The following ACOXL variants were observed in gnomAD, a reference collection of about 807,000 sequenced individuals.
ACOXL encodes acyl-coenzyme A oxidase-like protein.
In ACOXL, 70 loss-of-function variants were observed where a neutral mutation model predicts 71.9. The ratio of observed to expected loss-of-function variants is 0.97; its 90% confidence interval spans 0.80 to 1.19. The LOEUF (loss-of-function observed/expected upper bound fraction) is 1.19. Ranked by LOEUF, ACOXL falls within the 50% of genes most tolerant of loss-of-function variation. The pLI, the probability that ACOXL is intolerant of heterozygous loss-of-function variation, is 0.00. For synonymous variants in ACOXL, 253 were observed against 281.6 expected, an observed-to-expected ratio of 0.90 and a Z score of 1.02; for missense variants, 703 against 736.3, an observed-to-expected ratio of 0.95 and a Z score of 0.52.
intron 9 of ACOXL, among the ~76,000 whole-genome samples, chr2:110,818,283 A>G (rs1007489427): frequency 1.3e-5 from 2 of 151,142 alleles, no homozygotes; most frequent in Admixed American, 6.6e-5. Context: ...ATTCCCAGCT[A>G]TTTGGGAGGC....
At chr2:111,082,885 G>A (rs1408915502) in intron 16 of ACOXL, among the ~76,000 whole-genome samples, 1 of 152,114 alleles carries the variant, frequency 6.6e-6, no homozygotes, top group African/African-American at 2.4e-5. Context: ...AACTTTTCAG[G>A]GACATGGATG....
At chr2:110,869,858 C>G (rs1001995806) in intron 10 of ACOXL, among the ~76,000 whole-genome samples, 1 of 152,244 alleles carries the variant, frequency 6.6e-6, no homozygotes, top group Non-Finnish European at 1.5e-5. Context: ...CTGTGTGAAC[C>G]TAGCCACTGC....
At chr2:110,829,402 A>T (rs1021005875) in intron 9 of ACOXL, among the ~76,000 whole-genome samples, 18 of 152,050 alleles carry the variant, frequency 1.2e-4, no homozygotes, top group Admixed American at 1.2e-3. Context: ...GTGTCTCTTG[A>T]CTGGGTTACT....
intron 10 of ACOXL, among the ~76,000 whole-genome samples, chr2:110,906,406 G>A (rs938873158): frequency 2.6e-5 from 4 of 151,812 alleles, no homozygotes; most frequent in African/African-American, 9.7e-5. Flanking sequence ...GGGTGTGGTG[G>A]TGGGTGCCTG....
At chr2:110,930,097 T>C (rs188770472) in intron 11 of ACOXL, among the ~76,000 whole-genome samples, 3 of 152,314 alleles carry the variant, frequency 2.0e-5, no homozygotes, top group African/African-American at 7.2e-5. Flanking sequence ...CACTGACAGC[T>C]TGCACCATGC....
rs543798262 is a variant in ACOXL, at chr2:110,982,266, G to A, written c.1060-4842G>A. Among the ~76,000 whole-genome samples, 49 of 152,128 alleles carry A rather than the reference G, an allele frequency of 3.2e-4. No homozygotes were observed. In the South Asian group the frequency reaches 5.0e-3, roughly 16 times the overall value. On this transcript the variant is annotated intron_variant, in intron 12 of 17. Coordinates refer to ENST00000439055, the MANE Select transcript of ACOXL (RefSeq NM_001142807.4). ...CACCTCCCGGGTTCAAGTCAAATCC[G>A]TGTTTAAGGCCCAGCAATTACTCAG... is the stretch of plus-strand genomic sequence containing the variant.
intron 12 of ACOXL, among the ~76,000 whole-genome samples, chr2:110,985,368 T>C (rs1213552539): frequency 1.3e-5 from 2 of 152,140 alleles, no homozygotes; most frequent in East Asian, 3.8e-4. Context: ...TTTGTAACAC[T>C]CCCTTTACTA....
At chr2:110,913,287 A>T (rs1229473633) in intron 11 of ACOXL, among the ~76,000 whole-genome samples, 3 of 152,234 alleles carry the variant, frequency 2.0e-5, no homozygotes, top group African/African-American at 7.2e-5. Context: ...ATATATGCAC[A>T]CAAAAATGTG....
At chr2:111,086,109 G>T (rs940045324) in intron 16 of ACOXL, among the ~76,000 whole-genome samples, 12 of 152,096 alleles carry the variant, frequency 7.9e-5, no homozygotes, top group Non-Finnish European at 1.8e-4. Flanking sequence ...GGACCAGATG[G>T]ATTCACAGTT....
At chr2:111,070,198 C>T (rs1350321100) in intron 16 of ACOXL, among the ~76,000 whole-genome samples, 1 of 152,072 alleles carries the variant, frequency 6.6e-6, no homozygotes, top group African/African-American at 2.4e-5. Flanking sequence ...GGCACATGCA[C>T]GTAAATGTTT....
intron 9 of ACOXL, among the ~76,000 whole-genome samples, chr2:110,822,972 G>C (rs1688788572): frequency 6.6e-6 from 1 of 152,070 alleles, no homozygotes; most frequent in Admixed American, 6.5e-5. Flanking sequence ...GATTCACCTG[G>C]CTGGGTGCAG....
intron 1 of ACOXL, among the ~76,000 whole-genome samples, chr2:110,736,402 C>T (rs563315924): frequency 1.3e-5 from 2 of 152,272 alleles, no homozygotes; most frequent in East Asian, 3.9e-4. Context: ...CTTCCCCCAG[C>T]CCCGGCAACC....
Position 111,003,214 on chromosome 2 carries a change from G to A in ACOXL, c.1281+7210G>A, listed in dbSNP as rs118152263. ...TAAGTTTCCCAAACATAAAATAAAC[G>A]TTAGGCATGTGGGGTGGTGAACAAA... On this transcript the variant is annotated intron_variant, in intron 14 of 17. Transcript: ENST00000439055. Among the ~76,000 whole-genome samples, 398 of 152,062 alleles carry A rather than the reference G, an allele frequency of 2.6e-3. 10 individuals carry two copies. The East Asian group carries it at 0.049, about 19-fold the overall frequency.
At chr2:111,053,826 G>A (rs1266928631) in intron 16 of ACOXL, among the ~76,000 whole-genome samples, 1 of 152,202 alleles carries the variant, frequency 6.6e-6, no homozygotes, top group Admixed American at 6.5e-5. Context: ...TGAAGCCATC[G>A]CCTGCAGAGC....
At chr2:111,074,895 G>A (rs1303300391) in intron 16 of ACOXL, among the ~76,000 whole-genome samples, 2 of 152,148 alleles carry the variant, frequency 1.3e-5, no homozygotes, top group Non-Finnish European at 2.9e-5. Flanking sequence ...TAATGGTTTA[G>A]TTTTGAGTAT....
chr2:110,742,355 A>G (rs1322335680), intron 1 of ACOXL, among the ~76,000 whole-genome samples: 1 of 152,218 alleles, frequency 6.6e-6, no homozygotes, highest in Non-Finnish European at 1.5e-5. Flanking sequence ...TCAACCTTAA[A>G]TGAATAATTG....
intron 14 of ACOXL, among the ~76,000 whole-genome samples, chr2:111,014,113 A>T (rs909580844): frequency 2.0e-5 from 3 of 152,212 alleles, no homozygotes; most frequent in Non-Finnish European, 4.4e-5. Context: ...AAGAACCTAC[A>T]GCTAACCTCA....
Position 111,069,468 on chromosome 2 carries a change from G to A in ACOXL, c.1440+20180G>A, listed in dbSNP as rs528219270. 1.4e-4 allele frequency among the ~76,000 whole-genome samples: 22 copies of A among 152,146 alleles called. No individual in the cohort carries two copies. The South Asian group carries it at 4.6e-3, about 32-fold the overall frequency. ...CACCTGGCCTCCCTCTTCTTATAAGGACATCAGTTATTTTGGATTAGGGCC... is the reference window on the plus strand; with the variant it reads ...CACCTGGCCTCCCTCTTCTTATAAGAACATCAGTTATTTTGGATTAGGGCC... On this transcript the variant is annotated intron_variant, in intron 16 of 17. Coordinates refer to ENST00000439055, the MANE Select transcript of ACOXL (RefSeq NM_001142807.4).
intron 16 of ACOXL, among the ~76,000 whole-genome samples, chr2:111,063,587 TA>T (rs2066918767): frequency 6.6e-6 from 1 of 152,158 alleles, no homozygotes; most frequent in Admixed American, 6.5e-5. Flanking sequence ...TTACTCATGA[TA>T]ACAACTCCTA....
Sources: gnomAD v4.1 joint callset for allele counts (sites outside exome capture counted in the v4.1 genomes callset) on GRCh38, gnomAD v4.1.1 for gene constraint, MANE v1.5 for transcripts, NCBI Gene and HGNC (gene_info 2026-07-23, HGNC 2026-07-21) for gene names.